Variants in GPHN observed in about 807,000 individuals in gnomAD.
GPHN encodes gephyrin.
Under a neutral mutation model 95.5 loss-of-function variants are expected in GPHN, and 17 were observed. The ratio of observed to expected loss-of-function variants is 0.18; its 90% confidence interval spans 0.12 to 0.27. The LOEUF is 0.27. Among genes scored for constraint, GPHN ranks in the 10% least tolerant of loss-of-function variants. GPHN has a pLI of 1.00. For missense variants in GPHN, 660 were observed against 978.1 expected (o/e 0.67, Z 4.34); for synonymous variants, 320 against 322.5 (o/e 0.99, Z 0.08).
chr14:67,702,860 G>A, the GPHN span, among the ~76,000 whole-genome samples: 1 of 152,112 alleles, frequency 6.6e-6, no homozygotes, highest in Non-Finnish European at 1.5e-5. Flanking sequence ...GTTGCCCAGG[G>A]TAGAGAGCAG....
chr14:67,701,232 GAAAT>G, the GPHN span, among the ~76,000 whole-genome samples: 1 of 151,714 alleles, frequency 6.6e-6, no homozygotes, highest in East Asian at 1.9e-4. Context: ...TTTTAGAAAA[GAAAT>G]AGATTGTAGA....
At chr14:67,692,523 C>A in the GPHN span, 1 of 1,613,474 alleles carries the variant, frequency 6.2e-7, no homozygotes. Context: ...GGTTCCCTGT[C>A]GTGGTCTGGA....
chr14:66,862,034 A>G (rs549127437), intron 4 of GPHN, among the ~76,000 whole-genome samples: 2 of 152,072 alleles, frequency 1.3e-5, no homozygotes, highest in African/African-American at 2.4e-5. Context: ...ATACAAAAAG[A>G]TCAACAAACT....
chr14:67,615,548 C>G, the GPHN span: 1 of 483,030 alleles, frequency 2.1e-6, no homozygotes, highest in African/African-American at 1.9e-5. Context: ...TGTGTGCAAA[C>G]TTGTCCGGAG....
the GPHN span, among the ~76,000 whole-genome samples, chr14:67,552,773 A>C: frequency 6.6e-6 from 1 of 151,292 alleles, no homozygotes; most frequent in South Asian, 2.1e-4. Context: ...TCTCAAAAAA[A>C]AAAAACAAAA....
intron 1 of GPHN, among the ~76,000 whole-genome samples, chr14:66,521,057 A>T (rs1427122816): frequency 6.6e-6 from 1 of 152,142 alleles, no homozygotes; most frequent in East Asian, 1.9e-4. Context: ...GCTGCATAGT[A>T]TTCCATGATG....
the GPHN span, chr14:67,735,310 T>G: frequency 7.2e-6 from 6 of 828,458 alleles, no homozygotes; most frequent in Admixed American, 1.7e-5. Context: ...CTCTCTGTAG[T>G]GTCTCGCCCG....
chr14:66,535,359 C>T (rs185544545), intron 1 of GPHN, among the ~76,000 whole-genome samples: 2 of 152,256 alleles, frequency 1.3e-5, no homozygotes, highest in African/African-American at 4.8e-5. Context: ...GTCTTAATTA[C>T]TGTAGCTCTA....
intron 10 of GPHN, among the ~76,000 whole-genome samples, chr14:67,045,394 CTGTCTCTCTCTCTG>C (rs1481045374): frequency 6.6e-6 from 1 of 151,208 alleles, no homozygotes; most frequent in Non-Finnish European, 1.5e-5. Flanking sequence ...GTCTCCCTCT[CTGTCTCTCTCTCTG>C]TGTCTCTCTC....
chr14:67,412,344 C>A, the GPHN span: 1 of 394,286 alleles, frequency 2.5e-6, no homozygotes, highest in Non-Finnish European at 4.5e-6. Context: ...AGGTGCGCCC[C>A]GCGCCCCTCA....
At chr14:66,864,820 C>T (rs2063167315) in intron 4 of GPHN, among the ~76,000 whole-genome samples, 2 of 152,056 alleles carry the variant, frequency 1.3e-5, no homozygotes, top group African/African-American at 4.8e-5. Flanking sequence ...TCTGCACTCC[C>T]ATGTTTCTGG....
At chr14:66,938,919 C>G (rs1400119782) in intron 8 of GPHN, among the ~76,000 whole-genome samples, 4 of 152,032 alleles carry the variant, frequency 2.6e-5, no homozygotes, top group Non-Finnish European at 5.9e-5. Flanking sequence ...GATTTTTGAC[C>G]AGGGAACCAA....
chr14:67,156,098 T>TTTCCTAAATAAGTTTAA (rs1380055888), intron 18 of GPHN, among the ~76,000 whole-genome samples: 1 of 151,976 alleles, frequency 6.6e-6, no homozygotes, highest in Non-Finnish European at 1.5e-5. Flanking sequence ...GTTTTTAAGG[T>TTTCCTAAATAAGTTTAA]GGAAGGATTA....
intron 2 of GPHN, among the ~76,000 whole-genome samples, 156 bp from the exon 3 acceptor site, chr14:66,776,308 T>C (rs2059380904): frequency 6.6e-6 from 1 of 152,022 alleles, no homozygotes; most frequent in South Asian, 2.1e-4. Flanking sequence ...AACTAATACA[T>C]GGAAAATATA....
intron 1 of GPHN, among the ~76,000 whole-genome samples, chr14:66,654,602 C>G (rs181062504): frequency 4.1e-4 from 63 of 152,084 alleles, no homozygotes; most frequent in Non-Finnish European, 7.2e-4. Flanking sequence ...GTTTCGTAGC[C>G]TCTTCTTTCA....
In GPHN at chr14:67,119,515, C is replaced by A. The variant is rs1301224094; in HGVS notation, c.1627-2741C>A. ...AACAAAGTTAAATGTTTAGGCCAGG[C>A]GCAGTGGCTCACGCCTGTAATCCCA... On this transcript the variant is annotated intron_variant, in intron 16 of 22. Coordinates refer to ENST00000478722, the MANE Select transcript of GPHN (RefSeq NM_020806.5). 2.6e-5 allele frequency among the ~76,000 whole-genome samples: 4 copies of A among 152,122 alleles called. No homozygotes were observed. The East Asian group carries it at 7.7e-4, about 29-fold the overall frequency.
intron 8 of GPHN, among the ~76,000 whole-genome samples, chr14:66,926,473 A>T (rs2066488684): frequency 6.6e-6 from 1 of 152,214 alleles, no homozygotes; most frequent in South Asian, 2.1e-4. Flanking sequence ...GCATATGGAT[A>T]TCCAGTTTTC....
chr14:66,773,136 C>A (rs1249939116), intron 2 of GPHN, among the ~76,000 whole-genome samples: 1 of 152,168 alleles, frequency 6.6e-6, no homozygotes, highest in Non-Finnish European at 1.5e-5. Context: ...AGAGCTACTC[C>A]TACTTTGGGA....
At chr14:67,712,233 C>T in the GPHN span, among the ~76,000 whole-genome samples, 1 of 149,580 alleles carries the variant, frequency 6.7e-6, no homozygotes, top group Non-Finnish European at 1.5e-5. Flanking sequence ...GACTACCTGT[C>T]TTTTAACTGG....
Sources: gnomAD v4.1 joint callset for allele counts (sites outside exome capture counted in the v4.1 genomes callset) on GRCh38, gnomAD v4.1.1 for gene constraint, MANE v1.5 for transcripts, NCBI Gene and HGNC (gene_info 2026-07-23, HGNC 2026-07-21) for gene names.